Variants in CTNND2 observed in about 807,000 individuals in gnomAD.
CTNND2 encodes the protein catenin delta-2.
A neutral mutation model predicts 144.4 loss-of-function variants in CTNND2; 22 were observed. That is an observed-to-expected ratio of 0.15 (90% CI 0.11 to 0.22). The LOEUF is 0.22. Among genes scored for constraint, CTNND2 ranks in the 10% least tolerant of loss-of-function variants. The pLI is 1.00. For missense variants in CTNND2, 1,353 were observed against 1,618.8 expected, an observed-to-expected ratio of 0.84 and a Z score of 2.82; for synonymous variants, 751 against 695.6, an observed-to-expected ratio of 1.08 and a Z score of -1.25.
chr5:11,180,754 C>G (rs992899474), intron 11 of CTNND2, among the ~76,000 whole-genome samples: 1 of 152,234 alleles, frequency 6.6e-6, no homozygotes, highest in Non-Finnish European at 1.5e-5. Flanking sequence ...TCGTAGAAAA[C>G]AGTGAAAATG....
At chr5:11,464,875 T>A (rs1442670012) in intron 3 of CTNND2, among the ~76,000 whole-genome samples, 1 of 152,192 alleles carries the variant, frequency 6.6e-6, no homozygotes. Context: ...GGATTTGATG[T>A]GGGTTGTTCA....
chr5:11,417,332 C>A (rs187570751), intron 3 of CTNND2, among the ~76,000 whole-genome samples: 1 of 152,160 alleles, frequency 6.6e-6, no homozygotes, highest in East Asian at 1.9e-4. Context: ...AAAAGTAAAA[C>A]CTTATGTGAC....
intron 11 of CTNND2, among the ~76,000 whole-genome samples, chr5:11,182,938 T>C (rs544297566): frequency 1.3e-5 from 2 of 152,300 alleles, no homozygotes; most frequent in African/African-American, 4.8e-5. Context: ...ATCCTGGTAT[T>C]TGGAGTTTGG....
At chr5:11,410,885 T>C (rs1378457033) in intron 5 of CTNND2, among the ~76,000 whole-genome samples, 1 of 152,030 alleles carries the variant, frequency 6.6e-6, no homozygotes, top group Non-Finnish European at 1.5e-5. Context: ...TTTTTTTTTT[T>C]TTTTAAGACG....
chr5:11,198,514 A>G (rs1182378250), intron 11 of CTNND2, among the ~76,000 whole-genome samples: 1 of 152,230 alleles, frequency 6.6e-6, no homozygotes, highest in Non-Finnish European at 1.5e-5. Context: ...ACACATTTTC[A>G]TCTACTTCAT....
chr5:11,636,441 A>G (rs2126486944), intron 2 of CTNND2, among the ~76,000 whole-genome samples: 1 of 152,266 alleles, frequency 6.6e-6, no homozygotes, highest in African/African-American at 2.4e-5. Flanking sequence ...GTCCTTTGTA[A>G]TTATGGAAAT....
intron 18 of CTNND2, among the ~76,000 whole-genome samples, chr5:11,006,687 A>T (rs774386335): frequency 2.6e-5 from 4 of 152,176 alleles, no homozygotes; most frequent in Non-Finnish European, 5.9e-5. Flanking sequence ...TGATGAGCAC[A>T]ACAGAATGTA....
chr5:11,798,248 T>G, intron 1 of CTNND2, among the ~76,000 whole-genome samples: 2 of 139,846 alleles, frequency 1.4e-5, no homozygotes, highest in Admixed American at 7.4e-5. Context: ...GGTGACAGAG[T>G]GAGACTGTTT....
At chr5:11,167,708 T>C (rs924346150) in intron 11 of CTNND2, among the ~76,000 whole-genome samples, 1 of 151,696 alleles carries the variant, frequency 6.6e-6, no homozygotes, top group Non-Finnish European at 1.5e-5. Flanking sequence ...TTTTTTTTTT[T>C]TTTTTCAGAC....
chr5:11,109,715 T>C (rs1407935097), intron 14 of CTNND2, among the ~76,000 whole-genome samples: 1 of 148,834 alleles, frequency 6.7e-6, no homozygotes, highest in Non-Finnish European at 1.5e-5. Context: ...CTTAGTGCCT[T>C]TATGAACATT....
At chr5:11,486,051 G>A (rs898949588) in intron 3 of CTNND2, among the ~76,000 whole-genome samples, 2 of 152,128 alleles carry the variant, frequency 1.3e-5, no homozygotes, top group Admixed American at 6.6e-5. Flanking sequence ...CACCCAATTT[G>A]TAAAAATGGC....
chr5:11,370,536 A>G (rs567595766), intron 7 of CTNND2, among the ~76,000 whole-genome samples: 2 of 152,350 alleles, frequency 1.3e-5, no homozygotes, highest in Admixed American at 6.5e-5. Flanking sequence ...AGGTTATGCC[A>G]ATTATTTTAC....
intron 9 of CTNND2, among the ~76,000 whole-genome samples, chr5:11,332,065 C>T (rs1381168355): frequency 2.6e-5 from 4 of 151,826 alleles, no homozygotes; most frequent in East Asian, 1.9e-4. Context: ...CACCTGAGGT[C>T]GGGAGTTCGA....
chr5:11,460,880 C>T (rs1766150023), intron 3 of CTNND2, among the ~76,000 whole-genome samples: 1 of 151,946 alleles, frequency 6.6e-6, no homozygotes, highest in Non-Finnish European at 1.5e-5. Context: ...CGAAACCAGT[C>T]TCTACTAAAA....
intron 16 of CTNND2, among the ~76,000 whole-genome samples, chr5:11,078,009 C>G (rs1316037606): frequency 1.3e-5 from 2 of 152,146 alleles, no homozygotes; most frequent in Non-Finnish European, 2.9e-5. Flanking sequence ...ATTTGAGACA[C>G]TCATAAGACA....
intron 2 of CTNND2, among the ~76,000 whole-genome samples, chr5:11,674,734 T>A (rs1784083217): frequency 6.6e-6 from 1 of 152,030 alleles, no homozygotes; most frequent in East Asian, 1.9e-4. Flanking sequence ...GTTGGTTGGT[T>A]GGTTGGTTTT....
intron 2 of CTNND2, among the ~76,000 whole-genome samples, chr5:11,720,203 AT>A (rs1034043824): frequency 6.6e-6 from 1 of 151,920 alleles, no homozygotes; most frequent in Non-Finnish European, 1.5e-5. Flanking sequence ...CTTTGAGACC[AT>A]TTTTTCCATT....
At chr5:11,115,839 C>A (rs1240740765) in intron 13 of CTNND2, among the ~76,000 whole-genome samples, 1 of 152,208 alleles carries the variant, frequency 6.6e-6, no homozygotes, top group Admixed American at 6.5e-5. Flanking sequence ...AAGGCTCAGG[C>A]ATCAGTGATT....
In CTNND2 at chr5:11,203,583, C is replaced by T. The variant is rs992518884; in HGVS notation, c.1762-3922G>A. Among the ~76,000 whole-genome samples the T allele has an allele frequency of 2.0e-5, 3 of 152,174 alleles. 1 individual carries two copies. The highest frequency in any genetic ancestry group is 4.1e-4 in the South Asian group (2 of 4,820). ...AGACATGAGGTTTCGCCATGTTGCC[C>T]AGGCTGGTCTTCAACTCCTAGGCTC... On this transcript the variant is annotated intron_variant, in intron 10 of 21. Transcript: ENST00000304623.
Sources: allele counts gnomAD v4.1 joint callset (sites outside exome capture counted in the v4.1 genomes callset), GRCh38; gene constraint gnomAD v4.1.1; transcripts MANE v1.5; gene names NCBI Gene and HGNC (gene_info 2026-07-23, HGNC 2026-07-21).